Variants in CRPPA observed in about 807,000 individuals in gnomAD.
CRPPA encodes CDP-L-ribitol pyrophosphorylase A.
In CRPPA, 43 loss-of-function variants were observed where a neutral mutation model predicts 52.0. That is an observed-to-expected ratio of 0.83 (90% CI 0.65 to 1.07). The LOEUF is 1.07. Among genes scored for constraint, CRPPA ranks in the 50% least tolerant of loss-of-function variants. CRPPA has a pLI of 0.00. For missense variants in CRPPA, 629 were observed against 551.7 expected (o/e 1.14, Z -1.40); for synonymous variants, 250 against 203.5 (o/e 1.23, Z -1.94).
intron 1 of CRPPA, among the ~76,000 whole-genome samples, chr7:16,415,711 T>A (rs1193067146): frequency 1.3e-5 from 2 of 152,200 alleles, no homozygotes; most frequent in East Asian, 3.8e-4. Flanking sequence ...ACCACGCGCC[T>A]AGCTCTTGAG....
intron 6 of CRPPA, among the ~76,000 whole-genome samples, chr7:16,265,863 G>C (rs942347725): frequency 1.2e-4 from 18 of 152,240 alleles, no homozygotes; most frequent in African/African-American, 4.1e-4. Context: ...TGCAGTACAG[G>C]CACAAAAGTT....
At chr7:16,354,545 G>C (rs1416885614) in intron 3 of CRPPA, among the ~76,000 whole-genome samples, 1 of 152,080 alleles carries the variant, frequency 6.6e-6, no homozygotes, top group Non-Finnish European at 1.5e-5. Flanking sequence ...TGAGGCTTTG[G>C]ACACTAAAAA....
intron 9 of CRPPA, among the ~76,000 whole-genome samples, chr7:16,134,310 G>A (rs1015789223): frequency 8.1e-6 from 1 of 123,906 alleles, no homozygotes; most frequent in African/African-American, 2.6e-5. Flanking sequence ...CATACAGCAG[G>A]GGTCTGCAAC....
chr7:16,245,516 C>T (rs1562581960), intron 8 of CRPPA, among the ~76,000 whole-genome samples: 1 of 152,174 alleles, frequency 6.6e-6, no homozygotes, highest in South Asian at 2.1e-4. Flanking sequence ...CTTGCCTCTC[C>T]ATCCAAGAAG....
chr7:16,301,924 C>T (rs1050524125), intron 4 of CRPPA, among the ~76,000 whole-genome samples: 3 of 151,988 alleles, frequency 2.0e-5, no homozygotes, highest in Non-Finnish European at 4.4e-5. Flanking sequence ...TACATATATC[C>T]GTATGAACCT....
At position 16,384,577 on chromosome 7, in the gene CRPPA, A is replaced by G. The variant is rs899548525; in HGVS notation, c.535-8336T>C. On this transcript the variant is annotated intron_variant, in intron 2 of 9. Coordinates refer to ENST00000407010, the MANE Select transcript of CRPPA (RefSeq NM_001101426.4). ...AACAGCTAGGTGAGATATCAAAGGC[A>G]GACAATATAATAGAGGTCAGGGAAG... Among the ~76,000 whole-genome samples, 4 of 152,256 alleles carry G rather than the reference A, an allele frequency of 2.6e-5. No individual in the cohort carries two copies. The East Asian group carries it at 7.7e-4, about 29-fold the overall frequency.
intron 3 of CRPPA, among the ~76,000 whole-genome samples, chr7:16,314,190 A>G (rs1457684436): frequency 6.6e-6 from 1 of 150,412 alleles, no homozygotes; most frequent in Non-Finnish European, 1.5e-5. Context: ...CTGTTGTTAG[A>G]TGTGTACACA....
intron 3 of CRPPA, among the ~76,000 whole-genome samples, chr7:16,374,436 G>A (rs906066440): frequency 6.6e-6 from 1 of 151,994 alleles, no homozygotes; most frequent in African/African-American, 2.4e-5. Flanking sequence ...GCCTATTGTG[G>A]GACTTCACCT....
intron 9 of CRPPA, among the ~76,000 whole-genome samples, chr7:16,170,263 T>C (rs983810615): frequency 3.3e-5 from 5 of 152,184 alleles, no homozygotes; most frequent in Non-Finnish European, 5.9e-5. Context: ...TCAGCAAATT[T>C]AGAAATGAGC....
intron 8 of CRPPA, among the ~76,000 whole-genome samples, chr7:16,248,535 T>G (rs991609171): frequency 2.6e-5 from 4 of 152,074 alleles, no homozygotes; most frequent in African/African-American, 9.7e-5. Flanking sequence ...ATAGGCTAAA[T>G]TTGAAAGGGG....
chr7:16,124,729 C>CA (rs1583373461), intron 9 of CRPPA, among the ~76,000 whole-genome samples: 3 of 151,826 alleles, frequency 2.0e-5, no homozygotes. Flanking sequence ...TTCCAACACA[C>CA]AAAAAAATGA....
chr7:16,285,668 T>C (rs1784410281), intron 5 of CRPPA, among the ~76,000 whole-genome samples: 1 of 152,068 alleles, frequency 6.6e-6, no homozygotes, highest in Non-Finnish European at 1.5e-5. Flanking sequence ...ATTTTTCTGT[T>C]AATACCTCAG....
At chr7:16,286,065 ATATATAT>A (rs1562608520) in intron 5 of CRPPA, among the ~76,000 whole-genome samples, 2 of 35,130 alleles carry the variant, frequency 5.7e-5, no homozygotes, top group African/African-American at 3.4e-4. Flanking sequence ...ATATATATAT[ATATATAT>A]ATATATATAA....
intron 9 of CRPPA, among the ~76,000 whole-genome samples, chr7:16,205,919 A>T (rs911978406): frequency 2.6e-5 from 4 of 152,182 alleles, no homozygotes; most frequent in African/African-American, 9.6e-5. Flanking sequence ...TGGCACAATT[A>T]AATGTAAATC....
intron 9 of CRPPA, among the ~76,000 whole-genome samples, chr7:16,159,014 A>T (rs1265239928): frequency 6.6e-6 from 1 of 152,208 alleles, no homozygotes; most frequent in Non-Finnish European, 1.5e-5. Context: ...AAAATACGTG[A>T]CAATTTCCAT....
At chr7:16,254,827 AAGAAAGAAAG>A (rs1783584083) in intron 8 of CRPPA, among the ~76,000 whole-genome samples, 1 of 148,732 alleles carries the variant, frequency 6.7e-6, no homozygotes, top group South Asian at 2.1e-4. Context: ...GAAAGAAAGA[AAGAAAGAAAG>A]AAAGAAAGAG....
At chr7:16,267,627 A>T (rs1389698782) in intron 6 of CRPPA, among the ~76,000 whole-genome samples, 3 of 152,228 alleles carry the variant, frequency 2.0e-5, no homozygotes, top group African/African-American at 7.2e-5. Context: ...TATGGCAAAC[A>T]TAAATGACTA....
intron 3 of CRPPA, among the ~76,000 whole-genome samples, chr7:16,327,396 T>C (rs111348358): frequency 0.1 from 15,049 of 150,998 alleles, 907 homozygotes; most frequent in East Asian, 0.26. Context: ...ATCGAGACCA[T>C]CCTGGCTAAC....
intron 9 of CRPPA, among the ~76,000 whole-genome samples, chr7:16,093,004 G>A (rs1380069315): frequency 6.6e-6 from 1 of 152,024 alleles, no homozygotes; most frequent in African/African-American, 2.4e-5. Context: ...TTCAACCTAG[G>A]TATCAGAGAT....
Sources: allele counts gnomAD v4.1 joint callset (sites outside exome capture counted in the v4.1 genomes callset), GRCh38; gene constraint gnomAD v4.1.1; transcripts MANE v1.5; gene names NCBI Gene and HGNC (gene_info 2026-07-23, HGNC 2026-07-21).